Variants in NUDC observed in about 807,000 individuals in gnomAD.
NUDC encodes nuclear distribution C, dynein complex regulator, also known as nuclear migration protein nudC.
Under a neutral mutation model 45.0 loss-of-function variants are expected in NUDC, and 14 were observed. The ratio of observed to expected loss-of-function variants is 0.31; its 90% confidence interval spans 0.21 to 0.49. The LOEUF (loss-of-function observed/expected upper bound fraction) is 0.49, where lower values mean the gene tolerates loss of function less well. NUDC is among the 20% of genes least tolerant of loss of function. The pLI is 0.99. For synonymous variants in NUDC, 153 were observed against 156.7 expected, an observed-to-expected ratio of 0.98 and a Z score of 0.17; for missense variants, 323 against 426.2, an observed-to-expected ratio of 0.76 and a Z score of 2.13.
intron 4 of NUDC, among the ~76,000 whole-genome samples, chr1:26,942,366 C>T (rs1317112768): frequency 6.6e-6 from 1 of 152,212 alleles, no homozygotes; most frequent in Non-Finnish European, 1.5e-5. Flanking sequence ...AGGGCAGTGC[C>T]TATTACAGGT....
intron 2 of NUDC, among the ~76,000 whole-genome samples, chr1:26,939,654 G>A (rs1189570132): frequency 2.0e-5 from 3 of 152,060 alleles, no homozygotes; most frequent in Admixed American, 6.6e-5. Flanking sequence ...TCAGGGTCAC[G>A]CAGGTAAGAG....
chr1:26,946,620 G>T lies in NUDC; in HGVS notation c.*439G>T. Reference sequence around the variant, plus strand: ...TAATCCCAGCACTTTGGGAGGCTGAGGGGAGCAGATCACCTGATGTCAGGA... The same window carrying T: ...TAATCCCAGCACTTTGGGAGGCTGATGGGAGCAGATCACCTGATGTCAGGA... On this transcript the variant is annotated 3_prime_UTR_variant, in exon 9 of 9. Coordinates refer to ENST00000321265, the MANE Select transcript of NUDC (RefSeq NM_006600.4). The T allele has an allele frequency of 3.9e-6, 1 of 253,818 alleles. No homozygotes were observed. Among genetic ancestry groups the T allele is most frequent in the South Asian group, 4.7e-5 (1 of 21,338 alleles). The allele number at this position is 253,818 out of a possible 1,614,324, so 15.7% of individuals were successfully genotyped here.
upstream of NUDC, among the ~76,000 whole-genome samples, chr1:26,919,128 C>T (rs756195445): frequency 2.0e-4 from 31 of 151,368 alleles, no homozygotes; most frequent in Admixed American, 3.3e-4. Flanking sequence ...TTGTCACCCA[C>T]GCTGAAGTGC....
intron 3 of NUDC, chr1:26,912,159 G>T (rs1375470365): frequency 1.3e-6 from 2 of 1,581,948 alleles, no homozygotes; most frequent in African/African-American, 2.7e-5. Context: ...ACTGGCCCAA[G>T]ATCTGGGCCA....
intron 1 of NUDC, chr1:26,900,601 T>C: frequency 1.6e-6 from 1 of 643,746 alleles, no homozygotes; most frequent in Non-Finnish European, 2.6e-6. Context: ...CTGTGTTCCT[T>C]TCCCACAGAG....
chr1:26,911,226 T>A lies in NUDC; in HGVS notation c.84T>A (p.Ala28=), dbSNP rs551391876. ...GCTTCCTGATTGGCTGTGATTGGGC[T>A]TTCACTGTGGTAAGAGGGCGCCTGA... is the stretch of plus-strand genomic sequence containing the variant. Residue 28 remains alanine (A), a synonymous_variant, in exon 3 of 7, where the codon GCT becomes GCA. Transcript: ENST00000435827. 193 of 465,928 alleles carry A rather than the reference T, an allele frequency of 4.1e-4. 2 individuals carry two copies. Among genetic ancestry groups the A allele is most frequent in the South Asian group, 2.9e-3 (187 of 63,392 alleles). The allele number at this position is 465,928 out of a possible 1,614,324, so 28.9% of individuals were successfully genotyped here. A position where few individuals can be genotyped will look rare whatever the true frequency, so the allele number is the denominator to read the frequency against.
At chr1:26,927,264 C>CGTGTGTGTGTGTGTGT (rs60238934) in intron 2 of NUDC, among the ~76,000 whole-genome samples, 1,088 of 91,770 alleles carry the variant, frequency 0.012, 62 homozygotes, top group Non-Finnish European at 0.015. Context: ...AGAGATGAAC[C>CGTGTGTGTGTGTGTGT]GTGTGTGTGT....
intron 2 of NUDC, among the ~76,000 whole-genome samples, chr1:26,929,041 C>G (rs1204984559): frequency 6.6e-6 from 1 of 152,120 alleles, no homozygotes; most frequent in Admixed American, 6.5e-5. Context: ...AATGGATAAA[C>G]AATGTGGTAT....
At chr1:26,917,012 CT>C (rs1444603269), upstream of NUDC, among the ~76,000 whole-genome samples, 1 of 152,140 alleles carries the variant, frequency 6.6e-6, no homozygotes, top group Non-Finnish European at 1.5e-5. Context: ...ATCCCCAGCA[CT>C]TTGGGAGACC....
chr1:26,931,896 C>T (rs2082187134), intron 2 of NUDC, among the ~76,000 whole-genome samples: 1 of 151,426 alleles, frequency 6.6e-6, no homozygotes, highest in Non-Finnish European at 1.5e-5. Context: ...TAACATTGGC[C>T]AGGCTGGTCT....
intron 2 of NUDC, among the ~76,000 whole-genome samples, chr1:26,902,648 G>A (rs763181279): frequency 1.1e-4 from 17 of 151,992 alleles, no homozygotes; most frequent in Non-Finnish European, 2.5e-4. Flanking sequence ...ACGTCGGGAG[G>A]TTGAGGTCGG....
chr1:26,939,609 T>C (rs1217151665), intron 2 of NUDC, among the ~76,000 whole-genome samples: 1 of 151,752 alleles, frequency 6.6e-6, no homozygotes, highest in Non-Finnish European at 1.5e-5. Context: ...AAAATAATAA[T>C]AATAATAACA....
intron 2 of NUDC, among the ~76,000 whole-genome samples, chr1:26,927,675 C>T (rs149764044): frequency 2.0e-5 from 3 of 152,106 alleles, no homozygotes; most frequent in Admixed American, 6.6e-5. Context: ...GGATTACAGT[C>T]ATGAGCCACT....
exon 1 of NUDC, chr1:26,900,250 C>A: frequency 6.2e-7 from 1 of 1,614,082 alleles, no homozygotes; most frequent in Admixed American, 1.7e-5. Flanking sequence ...GGAATTAGGG[C>A]AGAGTTAGGA....
chr1:26,935,607 C>T (rs1027313807), intron 2 of NUDC, among the ~76,000 whole-genome samples: 3 of 151,960 alleles, frequency 2.0e-5, no homozygotes, highest in Non-Finnish European at 2.9e-5. Context: ...AATTACCCCC[C>T]ACCAGGTCCT....
Position 26,929,535 on chromosome 1 carries a change from A to C in NUDC, c.159+5369A>C, listed in dbSNP as rs569238263. Among the ~76,000 whole-genome samples the C allele has an allele frequency of 2.0e-5, 3 of 152,326 alleles. No individual in the cohort carries two copies. In the East Asian group the frequency reaches 5.8e-4, roughly 29 times the overall value. ...GTATGCAGGAGGATGCATGTAGGTT[A>C]TATGCAAATAAAATGCCATTTTATA... On this transcript the variant is annotated intron_variant, in intron 2 of 8. Coordinates refer to ENST00000321265, the MANE Select transcript of NUDC (RefSeq NM_006600.4).
At chr1:26,918,790 G>A (rs1018013597), upstream of NUDC, among the ~76,000 whole-genome samples, 2 of 151,716 alleles carry the variant, frequency 1.3e-5, no homozygotes, top group Admixed American at 6.6e-5. Flanking sequence ...TAGGCAGGCT[G>A]GTCTCGAACT....
chr1:26,942,806 A>C, intron 5 of NUDC, 30 bp downstream of exon 5: 1 of 1,614,100 alleles, frequency 6.2e-7, no homozygotes, highest in South Asian at 1.1e-5. Flanking sequence ...GGTAAAGCTT[A>C]GGGGGCCAGC....
chr1:26,944,644 T>C (rs545724755), intron 6 of NUDC, among the ~76,000 whole-genome samples: 1 of 146,402 alleles, frequency 6.8e-6, no homozygotes, highest in African/African-American at 2.6e-5. Context: ...CTAATAAAAA[T>C]ACAAAAAATT....
Sources: allele counts gnomAD v4.1 joint callset (sites outside exome capture counted in the v4.1 genomes callset), GRCh38; gene constraint gnomAD v4.1.1; transcripts MANE v1.5; gene names NCBI Gene and HGNC (gene_info 2026-07-23, HGNC 2026-07-21).